The following SNTB1 variants were observed in gnomAD, a reference collection of about 807,000 sequenced individuals.
SNTB1 encodes beta-1-syntrophin.
In SNTB1, 36 loss-of-function variants were observed where a neutral mutation model predicts 48.9. That is an observed-to-expected ratio of 0.74 (90% CI 0.56 to 0.97). SNTB1 has a LOEUF of 0.97. Ranked by LOEUF, SNTB1 falls within the 50% of genes least tolerant of loss-of-function variation. The pLI, the probability that SNTB1 is intolerant of heterozygous loss-of-function variation, is 0.00. For missense variants in SNTB1, 786 were observed against 703.4 expected (o/e 1.12, Z -1.33); for synonymous variants, 299 against 294.6 (o/e 1.01, Z -0.15).
chr8:120,696,849 C>A (rs1489071911), intron 1 of SNTB1, among the ~76,000 whole-genome samples: 1 of 152,146 alleles, frequency 6.6e-6, no homozygotes, highest in African/African-American at 2.4e-5. Flanking sequence ...TGAGATCTGG[C>A]CATACCACCT....
intron 1 of SNTB1, among the ~76,000 whole-genome samples, chr8:120,787,287 A>T (rs1264770963): frequency 1.3e-5 from 2 of 152,162 alleles, no homozygotes; most frequent in African/African-American, 4.8e-5. Flanking sequence ...AAAAAATGAG[A>T]AAAACAATTC....
At chr8:120,591,263 C>G (rs143189231) in intron 3 of SNTB1, among the ~76,000 whole-genome samples, 183 of 152,316 alleles carry the variant, frequency 1.2e-3, no homozygotes, top group African/African-American at 3.9e-3. Context: ...TAACAATTTA[C>G]TTCTTCCTTC....
chr8:120,640,037 A>C (rs962207582), intron 2 of SNTB1, among the ~76,000 whole-genome samples: 2 of 151,350 alleles, frequency 1.3e-5, no homozygotes, highest in Admixed American at 6.6e-5. Flanking sequence ...ATTTGTTTGT[A>C]TCCTCTTTTA....
intron 1 of SNTB1, among the ~76,000 whole-genome samples, chr8:120,777,512 T>C (rs905382312): frequency 2.6e-5 from 4 of 152,220 alleles, no homozygotes; most frequent in African/African-American, 9.7e-5. Flanking sequence ...CAATTTGCCA[T>C]GGATATGTCC....
chr8:120,731,499 A>G (rs1818850050), intron 1 of SNTB1, among the ~76,000 whole-genome samples: 1 of 152,224 alleles, frequency 6.6e-6, no homozygotes, highest in African/African-American at 2.4e-5. Flanking sequence ...GAAAGCCTGG[A>G]AGGACTGGGC....
At chr8:120,691,977 A>T (rs896437999) in intron 2 of SNTB1, among the ~76,000 whole-genome samples, 1 of 152,228 alleles carries the variant, frequency 6.6e-6, no homozygotes, top group African/African-American at 2.4e-5. Context: ...CTGCAGGCCC[A>T]GGAACTCTGC....
chr8:120,797,546 C>CTTTTTTTTTTTTTT (rs60374035), intron 1 of SNTB1, among the ~76,000 whole-genome samples: 7 of 69,090 alleles, frequency 1.0e-4, no homozygotes, highest in African/African-American at 3.3e-4. Context: ...ACTTGTTTCT[C>CTTTTTTTTTTTTTT]TTTTTTTTTT....
intron 2 of SNTB1, among the ~76,000 whole-genome samples, chr8:120,682,626 T>C (rs998946748): frequency 1.3e-5 from 2 of 152,218 alleles, no homozygotes; most frequent in Non-Finnish European, 2.9e-5. Flanking sequence ...TTTTTGTATG[T>C]ATACCCTTTC....
chr8:120,809,209 C>T (rs975404285), intron 1 of SNTB1, among the ~76,000 whole-genome samples: 13 of 152,140 alleles, frequency 8.5e-5, no homozygotes, highest in African/African-American at 2.9e-4. Flanking sequence ...GAATAAGAGA[C>T]GCTGTTTTGA....
chr8:120,540,164 T>C (rs1433071071), intron 6 of SNTB1, among the ~76,000 whole-genome samples: 1 of 152,170 alleles, frequency 6.6e-6, no homozygotes, highest in Non-Finnish European at 1.5e-5. Context: ...GTTGGTGAGT[T>C]TGTTGCAGAC....
rs1201175856 is a variant in SNTB1 at position 120,558,845 on chromosome 8, CATT to C, written c.1137-9890_1137-9888del. Among the ~76,000 whole-genome samples, 16 of 152,246 alleles carry C rather than the reference CATT, an allele frequency of 1.1e-4. 1 individual carries two copies. The highest frequency in any genetic ancestry group is 3.9e-4 in the African/African-American group (16 of 41,552). ...TTGGCACAGAATACATAGTAATAGT[CATT>C]ATTGTCATTAGAACATAAGTTTGAT... is the stretch of plus-strand genomic sequence containing the variant. On this transcript the variant is annotated intron_variant, in intron 4 of 6. Coordinates refer to ENST00000517992, the MANE Select transcript of SNTB1 (RefSeq NM_021021.4).
At chr8:120,783,039 A>G (rs1408937302) in intron 1 of SNTB1, among the ~76,000 whole-genome samples, 1 of 152,188 alleles carries the variant, frequency 6.6e-6, no homozygotes, top group Non-Finnish European at 1.5e-5. Context: ...ATAATATGCA[A>G]TTGTATCCTA....
At chr8:120,743,409 G>A (rs1319217973) in intron 1 of SNTB1, among the ~76,000 whole-genome samples, 2 of 152,038 alleles carry the variant, frequency 1.3e-5, no homozygotes, top group Non-Finnish European at 2.9e-5. Context: ...TTGATATCTG[G>A]CCAGCATTAC....
Position 120,555,408 on chromosome 8 carries a change from A to T in SNTB1, c.1137-6450T>A, listed in dbSNP as rs140211967. On this transcript the variant is annotated intron_variant, in intron 4 of 6. Transcript: ENST00000517992. Reference sequence around the variant, plus strand: ...GGTATGACTTTTACATACTGCAGGGAAGGGCTGCTTGCCCTACCCTAATCT... The same window carrying T: ...GGTATGACTTTTACATACTGCAGGGTAGGGCTGCTTGCCCTACCCTAATCT... 1.7e-3 allele frequency among the ~76,000 whole-genome samples: 259 copies of T among 152,266 alleles called. 1 individual carries two copies. Among genetic ancestry groups the T allele is most frequent in the African/African-American group, 6.1e-3 (252 of 41,558 alleles).
At chr8:120,716,169 T>C (rs970600060) in intron 1 of SNTB1, among the ~76,000 whole-genome samples, 6 of 152,214 alleles carry the variant, frequency 3.9e-5, no homozygotes, top group African/African-American at 1.2e-4. Context: ...GATGAATGTA[T>C]ACATAAATGA....
intron 2 of SNTB1, among the ~76,000 whole-genome samples, chr8:120,639,513 T>G (rs1251677495): frequency 6.6e-6 from 1 of 152,190 alleles, no homozygotes; most frequent in Non-Finnish European, 1.5e-5. Flanking sequence ...TGGTTTTAGG[T>G]CTAACATTTA....
intron 3 of SNTB1, among the ~76,000 whole-genome samples, chr8:120,581,102 A>G (rs61432626): frequency 1.9e-4 from 24 of 123,980 alleles, no homozygotes; most frequent in Non-Finnish European, 2.5e-4. Flanking sequence ...AAAAAAAAAA[A>G]AAAAAGAGAA....
intron 2 of SNTB1, among the ~76,000 whole-genome samples, chr8:120,658,047 A>C (rs1467863494): frequency 6.6e-6 from 1 of 152,230 alleles, no homozygotes; most frequent in Non-Finnish European, 1.5e-5. Context: ...GTACTTCACC[A>C]TTACCAAAAT....
At chr8:120,567,992 A>T (rs1815781019) in intron 4 of SNTB1, among the ~76,000 whole-genome samples, 1 of 152,212 alleles carries the variant, frequency 6.6e-6, no homozygotes, top group African/African-American at 2.4e-5. Context: ...GTCATATATA[A>T]AGGACACGGT....
Sources: allele counts gnomAD v4.1 joint callset (sites outside exome capture counted in the v4.1 genomes callset), GRCh38; gene constraint gnomAD v4.1.1; transcripts MANE v1.5; gene names NCBI Gene and HGNC (gene_info 2026-07-23, HGNC 2026-07-21).